PDZD8: variants seen among roughly 807,000 people sequenced by gnomAD.
PDZD8 encodes the protein PDZ domain containing 8, also known as PDZ domain-containing protein 8.
A neutral mutation model predicts 85.8 loss-of-function variants in PDZD8; 14 were observed. That is an observed-to-expected ratio of 0.16 (90% CI 0.11 to 0.26). The LOEUF (loss-of-function observed/expected upper bound fraction) is 0.26, where lower values mean the gene tolerates loss of function less well. Ranked by LOEUF, PDZD8 falls within the 10% of genes least tolerant of loss-of-function variation. PDZD8 has a pLI of 1.00. For missense variants in PDZD8, 1,197 were observed against 1,424.3 expected (o/e 0.84, Z 2.57); for synonymous variants, 592 against 568.6 (o/e 1.04, Z -0.59).
chr10:117,355,672 T>G (rs536808163), intron 1 of PDZD8, among the ~76,000 whole-genome samples: 1 of 152,256 alleles, frequency 6.6e-6, no homozygotes, highest in South Asian at 2.1e-4. Context: ...GTTACAAGAA[T>G]TGCATTGAAT....
chr10:117,369,659 C>A (rs1482929820), intron 1 of PDZD8, among the ~76,000 whole-genome samples: 1 of 152,084 alleles, frequency 6.6e-6, no homozygotes, highest in African/African-American at 2.4e-5. Flanking sequence ...AGGCAAGTAC[C>A]ATCAATTAAG....
At chr10:117,291,604 G>C (rs182914531) in intron 3 of PDZD8, among the ~76,000 whole-genome samples, 3 of 151,704 alleles carry the variant, frequency 2.0e-5, no homozygotes, top group African/African-American at 7.3e-5. Flanking sequence ...AGCTACTAAG[G>C]AGGGCTGAGG....
At position 117,281,457 on chromosome 10, in the gene PDZD8, G is replaced by C. The variant is rs1417223065; in HGVS notation, c.*1811C>G. The C allele has an allele frequency of 6.6e-6, 1 of 150,656 alleles. No individual in the cohort carries two copies. Among genetic ancestry groups the C allele is most frequent in the African/African-American group, 2.5e-5 (1 of 40,766 alleles). 9.3% of individuals were successfully genotyped at this position (150,656 alleles called of 1,614,324 possible). On this transcript the variant is annotated 3_prime_UTR_variant, in exon 5 of 5. Coordinates refer to ENST00000334464, the MANE Select transcript of PDZD8 (RefSeq NM_173791.5). ...TTTTGTTATAAACTTGGCTAAGAAA[G>C]GTATTTAGTACCTGAAATTTTCGCT...
At chr10:117,350,474 C>T (rs1228265458) in intron 1 of PDZD8, among the ~76,000 whole-genome samples, 1 of 151,060 alleles carries the variant, frequency 6.6e-6, no homozygotes, top group Non-Finnish European at 1.5e-5. Flanking sequence ...CTGTGTAGGC[C>T]AGGCTGGTCT....
intron 1 of PDZD8, among the ~76,000 whole-genome samples, chr10:117,347,129 C>T (rs1844722854): frequency 6.6e-6 from 1 of 151,914 alleles, no homozygotes. Context: ...AGGGTATATA[C>T]CCCAGACAAT....
rs184642545 is a variant in PDZD8, at chr10:117,298,149, C to T, written c.1099-7801G>A. Among the ~76,000 whole-genome samples the T allele has an allele frequency of 3.3e-5, 5 of 151,840 alleles. No individual in the cohort carries two copies. The East Asian group carries it at 9.7e-4, about 29-fold the overall frequency. ...ACTAGACTGTAGATACAGAATGAAA[C>T]CAGATATAAGAAGCAAGAACAGCGT... On this transcript the variant is annotated intron_variant, in intron 3 of 4. Coordinates refer to ENST00000334464, the MANE Select transcript of PDZD8 (RefSeq NM_173791.5).
In PDZD8 at chr10:117,277,975, G is replaced by A. The variant is rs184657716; in HGVS notation, c.*5293C>T. ...ATAAAGGAAAAACAGTAAATGTTCC[G>A]AAAGCAGAGAAAAGCAACCAAACAT... On this transcript the variant is annotated 3_prime_UTR_variant, in exon 5 of 5. Coordinates refer to ENST00000334464, the MANE Select transcript of PDZD8 (RefSeq NM_173791.5). The A allele has an allele frequency of 2.6e-5, 4 of 152,294 alleles. No homozygotes were observed. The highest frequency in any genetic ancestry group is 7.2e-5 in the African/African-American group (3 of 41,566). 9.4% of individuals were successfully genotyped at this position (152,294 alleles called of 1,614,324 possible).
intron 3 of PDZD8, among the ~76,000 whole-genome samples, chr10:117,294,075 T>C (rs1843710622): frequency 6.6e-6 from 1 of 152,136 alleles, no homozygotes; most frequent in African/African-American, 2.4e-5. Flanking sequence ...TTTATAGTTT[T>C]AAATGCTTAT....
chr10:117,342,873 T>C (rs181601338), intron 1 of PDZD8, among the ~76,000 whole-genome samples: 47 of 152,344 alleles, frequency 3.1e-4, no homozygotes, highest in African/African-American at 1.1e-3. Context: ...GAAGACACTA[T>C]GAATATTCCT....
chr10:117,287,600 T>C (rs940961408), intron 4 of PDZD8, among the ~76,000 whole-genome samples: 1 of 152,216 alleles, frequency 6.6e-6, no homozygotes, highest in Non-Finnish European at 1.5e-5. Flanking sequence ...TAGGGATATT[T>C]GACTCCCTAG....
At chr10:117,304,408 C>T (rs575030549) in intron 3 of PDZD8, among the ~76,000 whole-genome samples, 15 of 152,120 alleles carry the variant, frequency 9.9e-5, no homozygotes, top group South Asian at 2.1e-4. Context: ...GGCTCATAGG[C>T]GGAAGGGACT....
intron 3 of PDZD8, among the ~76,000 whole-genome samples, chr10:117,294,210 T>C (rs1843713238): frequency 6.7e-6 from 1 of 150,012 alleles, no homozygotes; most frequent in African/African-American, 2.5e-5. Flanking sequence ...AATAGAGAAA[T>C]CAATAAAAGC....
At chr10:117,298,709 T>C (rs1003578797) in intron 3 of PDZD8, among the ~76,000 whole-genome samples, 1 of 152,182 alleles carries the variant, frequency 6.6e-6, no homozygotes, top group African/African-American at 2.4e-5. Flanking sequence ...ATATTCCTTT[T>C]GTAACTACAG....
chr10:117,355,542 C>G (rs548037959), intron 1 of PDZD8, among the ~76,000 whole-genome samples: 1 of 152,310 alleles, frequency 6.6e-6, no homozygotes, highest in African/African-American at 2.4e-5. Flanking sequence ...GGCTTGGAAT[C>G]CTATTGTGTC....
At chr10:117,368,703 C>T (rs906762669) in intron 1 of PDZD8, among the ~76,000 whole-genome samples, 1 of 151,952 alleles carries the variant, frequency 6.6e-6, no homozygotes, top group Non-Finnish European at 1.5e-5. Context: ...TGACCCATTC[C>T]ACTAAAGCAA....
chr10:117,330,027 A>ATGG (rs1564701933), intron 2 of PDZD8, among the ~76,000 whole-genome samples: 1 of 11,608 alleles, frequency 8.6e-5, no homozygotes, highest in Non-Finnish European at 1.7e-4. Context: ...GGAGGGAGGG[A>ATGG]AGGAGGGAGG....
chr10:117,348,387 C>T (rs192148844), intron 1 of PDZD8, among the ~76,000 whole-genome samples: 2 of 152,304 alleles, frequency 1.3e-5, no homozygotes. Context: ...CATCAGCACA[C>T]TGTACATAAG....
chr10:117,323,008 G>A (rs773560093), intron 2 of PDZD8, among the ~76,000 whole-genome samples: 1 of 152,142 alleles, frequency 6.6e-6, no homozygotes, highest in Non-Finnish European at 1.5e-5. Context: ...TGAGTACTCA[G>A]CCTTCTGACT....
At chr10:117,373,630 A>T (rs891353177) in intron 1 of PDZD8, among the ~76,000 whole-genome samples, 13 of 134,180 alleles carry the variant, frequency 9.7e-5, no homozygotes, top group Admixed American at 3.6e-4. Flanking sequence ...AAAAAAAAAA[A>T]TCAGCAAGGC....
Sources: allele counts gnomAD v4.1 joint callset (sites outside exome capture counted in the v4.1 genomes callset), GRCh38; gene constraint gnomAD v4.1.1; transcripts MANE v1.5; gene names NCBI Gene and HGNC (gene_info 2026-07-23, HGNC 2026-07-21).